The following PDK1 variants were observed in gnomAD, a reference collection of about 807,000 sequenced individuals.
The protein encoded by PDK1 is pyruvate dehydrogenase kinase 1.
Under a neutral mutation model 54.2 loss-of-function variants are expected in PDK1, and 39 were observed. The observed-to-expected ratio is 0.72, with a 90% CI of 0.56 to 0.94. PDK1 has a LOEUF of 0.94. Ranked by LOEUF, PDK1 falls within the 40% of genes least tolerant of loss-of-function variation. The pLI is 0.00. For missense variants in PDK1, 552 were observed against 566.0 expected (o/e 0.98, Z 0.25); for synonymous variants, 221 against 207.1 (o/e 1.07, Z -0.58).
At chr2:172,721,176 G>T in the PDK1 span, among the ~76,000 whole-genome samples, 1 of 152,178 alleles carries the variant, frequency 6.6e-6, no homozygotes, top group Admixed American at 6.5e-5. Flanking sequence ...TCTTAGAGAC[G>T]CCTTGGATTT....
chr2:172,579,650 CCTT>C (rs773150800), intron 8 of PDK1, among the ~76,000 whole-genome samples: 1 of 150,560 alleles, frequency 6.6e-6, no homozygotes, highest in Non-Finnish European at 1.5e-5. Context: ...AATTCCTCTT[CCTT>C]CTTATGTGAC....
chr2:172,574,298 C>T (rs990510150), intron 8 of PDK1, among the ~76,000 whole-genome samples: 13 of 152,178 alleles, frequency 8.5e-5, no homozygotes, highest in Admixed American at 1.3e-4. Flanking sequence ...ATATATCTCT[C>T]GTTATGCAAG....
chr2:172,702,288 C>G, the PDK1 span, among the ~76,000 whole-genome samples: 2 of 152,046 alleles, frequency 1.3e-5, no homozygotes, highest in Non-Finnish European at 2.9e-5. Flanking sequence ...ACCAGCCTGG[C>G]CAAGATGGTG....
intron 5 of PDK1, among the ~76,000 whole-genome samples, chr2:172,565,704 C>T (rs950809972): frequency 1.3e-5 from 2 of 152,212 alleles, no homozygotes; most frequent in Non-Finnish European, 2.9e-5. Context: ...AATCATTTCA[C>T]ACTTTTTTCT....
chr2:172,639,446 C>T, the PDK1 span, among the ~76,000 whole-genome samples: 20 of 152,106 alleles, frequency 1.3e-4, no homozygotes, highest in African/African-American at 2.9e-4. Flanking sequence ...CTGAGGTCCC[C>T]GTTTCCTTAT....
chr2:172,590,795 T>C (rs1690526662), intron 9 of PDK1, among the ~76,000 whole-genome samples: 1 of 151,344 alleles, frequency 6.6e-6, no homozygotes, highest in South Asian at 2.1e-4. Flanking sequence ...GAGTGCTGAT[T>C]GGTGTGTTTA....
chr2:172,628,047 T>C, the PDK1 span, among the ~76,000 whole-genome samples: 2 of 152,232 alleles, frequency 1.3e-5, no homozygotes, highest in African/African-American at 2.4e-5. Flanking sequence ...CAGAAAGTCT[T>C]TGAATCTGTC....
In PDK1 at chr2:172,588,902, A is replaced by T. The variant is rs367896831; in HGVS notation, c.1056+2514A>T. On this transcript the variant is annotated intron_variant, in intron 9 of 10. Coordinates refer to ENST00000282077, the MANE Select transcript of PDK1 (RefSeq NM_002610.5). ...CAGTTTTGTTCTTTCCAAGTCCTTA[A>T]CAAGCCAGCCACTTGTTTTGCCACT... 5.4e-4 allele frequency among the ~76,000 whole-genome samples: 83 copies of T among 152,316 alleles called. 1 individual carries two copies. Among genetic ancestry groups the T allele is most frequent in the Middle Eastern group, 6.8e-3 (2 of 294 alleles).
the PDK1 span, among the ~76,000 whole-genome samples, chr2:172,615,167 G>T: frequency 1.7e-3 from 265 of 152,290 alleles, 2 homozygotes; most frequent in African/African-American, 6.0e-3. Flanking sequence ...TGCCCCTGCT[G>T]GGAGTCTGGC....
chr2:172,713,478 C>T, the PDK1 span, among the ~76,000 whole-genome samples: 2 of 152,196 alleles, frequency 1.3e-5, no homozygotes, highest in Admixed American at 1.3e-4. Flanking sequence ...GCCCACAGTG[C>T]CCCCTTGGCC....
At chr2:172,570,553 C>A in intron 7 of PDK1, 173 bp from the exon 8 acceptor site, 1 of 456,386 alleles carries the variant, frequency 2.2e-6, no homozygotes, top group Non-Finnish European at 3.8e-6. Flanking sequence ...CCTTCAAATC[C>A]CCCCCAAATT....
At chr2:172,621,767 T>A in the PDK1 span, among the ~76,000 whole-genome samples, 1 of 144,974 alleles carries the variant, frequency 6.9e-6, no homozygotes, top group Non-Finnish European at 1.5e-5. Context: ...CTCATATATG[T>A]CATATATGTT....
At chr2:172,618,165 A>G in the PDK1 span, among the ~76,000 whole-genome samples, 3 of 152,234 alleles carry the variant, frequency 2.0e-5, no homozygotes, top group African/African-American at 7.2e-5. Flanking sequence ...CCTACATTCT[A>G]TAGTGAGATG....
At chr2:172,656,929 G>T in the PDK1 span, among the ~76,000 whole-genome samples, 1 of 152,202 alleles carries the variant, frequency 6.6e-6, no homozygotes, top group African/African-American at 2.4e-5. Flanking sequence ...AAGTGTGGGG[G>T]CTCTCCTAAG....
At chr2:172,615,985 A>C in the PDK1 span, among the ~76,000 whole-genome samples, 10,334 of 152,160 alleles carry the variant, frequency 0.068, 459 homozygotes, top group East Asian at 0.22. Context: ...TTTATAGAAG[A>C]AAGCCAGCCA....
At chr2:172,556,078 C>A, upstream of PDK1, 1 of 1,144,256 alleles carries the variant, frequency 8.7e-7, no homozygotes. Context: ...CCCGCCACGT[C>A]CCTCACGTAC....
At chr2:172,585,322 T>TTTTTA (rs1690162063) in intron 8 of PDK1, among the ~76,000 whole-genome samples, 1 of 111,086 alleles carries the variant, frequency 9.0e-6, no homozygotes, top group African/African-American at 3.3e-5. Context: ...TTTAATTTTT[T>TTTTTA]TTTTTTTTTT....
chr2:172,652,799 C>T, the PDK1 span, among the ~76,000 whole-genome samples: 1 of 152,124 alleles, frequency 6.6e-6, no homozygotes, highest in Non-Finnish European at 1.5e-5. Context: ...AACTACAAAC[C>T]ACTGCTCAAT....
At chr2:172,634,065 G>A in the PDK1 span, among the ~76,000 whole-genome samples, 1 of 150,144 alleles carries the variant, frequency 6.7e-6, no homozygotes, top group African/African-American at 2.4e-5. Flanking sequence ...TAGTAGAGAT[G>A]GGGTTTCACT....
Sources: gnomAD v4.1 joint callset for allele counts (sites outside exome capture counted in the v4.1 genomes callset) on GRCh38, gnomAD v4.1.1 for gene constraint, MANE v1.5 for transcripts, NCBI Gene and HGNC (gene_info 2026-07-23, HGNC 2026-07-21) for gene names.